STIM2: variants seen among roughly 807,000 people sequenced by gnomAD.
STIM2 encodes stromal interaction molecule 2.
In STIM2, 31 loss-of-function variants were observed where a neutral mutation model predicts 85.8. That is an observed-to-expected ratio of 0.36 (90% CI 0.27 to 0.49). The LOEUF is 0.49. Ranked by LOEUF, STIM2 falls within the 20% of genes least tolerant of loss-of-function variation. The pLI is 0.98. For missense variants in STIM2, 841 were observed against 927.6 expected, an observed-to-expected ratio of 0.91 and a Z score of 1.21; for synonymous variants, 356 against 331.1, an observed-to-expected ratio of 1.08 and a Z score of -0.82.
At chr4:26,893,800 A>AT in intron 1 of STIM2, among the ~76,000 whole-genome samples, 1 of 152,052 alleles carries the variant, frequency 6.6e-6, no homozygotes. Flanking sequence ...GCATCATTTC[A>AT]TATTACTAGT....
intron 8 of STIM2, chr4:27,007,968 G>C (rs1728425518): frequency 1.4e-6 from 1 of 720,436 alleles, no homozygotes; most frequent in Non-Finnish European, 2.6e-6. Flanking sequence ...TTTATACAGA[G>C]CTTTTTTCCT....
At position 26,955,787 on chromosome 4, in the gene STIM2, T is replaced by A. The variant is rs1019987034; in HGVS notation, c.283-1825T>A. On this transcript the variant is annotated intron_variant, in intron 2 of 11. Coordinates refer to ENST00000467087, the MANE Select transcript of STIM2 (RefSeq NM_020860.4). Reference sequence around the variant, plus strand: ...GGACAAGGTGAGCATATTTATCATATGCTCGGCCCAGTTGCTGTGGAAGTG... The same window carrying A: ...GGACAAGGTGAGCATATTTATCATAAGCTCGGCCCAGTTGCTGTGGAAGTG... Among the ~76,000 whole-genome samples the A allele has an allele frequency of 6.3e-4, 95 of 151,780 alleles. 10 individuals carry two copies. The highest frequency in any genetic ancestry group is 2.2e-3 in the African/African-American group (91 of 41,222).
chr4:26,966,641 C>T (rs1483006914), intron 3 of STIM2, among the ~76,000 whole-genome samples: 3 of 151,964 alleles, frequency 2.0e-5, no homozygotes, highest in Non-Finnish European at 4.4e-5. Flanking sequence ...ATTAGCCAGC[C>T]TTTTGAATTT....
intron 4 of STIM2, among the ~76,000 whole-genome samples, chr4:26,996,597 A>G (rs919845771): frequency 6.6e-6 from 1 of 152,114 alleles, no homozygotes; most frequent in Non-Finnish European, 1.5e-5. Flanking sequence ...ACACATGACT[A>G]GAATGATGAA....
chr4:26,907,401 AAC>A (rs1172171126), intron 1 of STIM2, among the ~76,000 whole-genome samples: 1 of 152,176 alleles, frequency 6.6e-6, no homozygotes, highest in Admixed American at 6.5e-5. Context: ...TAAACTATTA[AAC>A]AGATGCTTTG....
chr4:26,919,235 G>A (rs1443870427), intron 1 of STIM2, among the ~76,000 whole-genome samples: 1 of 151,958 alleles, frequency 6.6e-6, no homozygotes, highest in Non-Finnish European at 1.5e-5. Context: ...GGTTAAAGAT[G>A]TAGAGATTTT....
intron 2 of STIM2, among the ~76,000 whole-genome samples, chr4:26,939,129 A>T (rs957240676): frequency 1.3e-5 from 2 of 152,124 alleles, no homozygotes; most frequent in African/African-American, 4.8e-5. Context: ...CATACTGAGT[A>T]AATTAGCACT....
intron 4 of STIM2, among the ~76,000 whole-genome samples, chr4:26,998,585 A>G (rs1728040111): frequency 6.6e-6 from 1 of 152,158 alleles, no homozygotes; most frequent in Non-Finnish European, 1.5e-5. Flanking sequence ...TGAAAGGATA[A>G]TAAGTGACAG....
At chr4:26,973,378 T>G (rs1727047140) in intron 3 of STIM2, among the ~76,000 whole-genome samples, 2 of 152,224 alleles carry the variant, frequency 1.3e-5, no homozygotes, top group African/African-American at 4.8e-5. Flanking sequence ...GGGCATTTAG[T>G]GCTATAAATT....
chr4:26,979,341 T>G (rs191059350), intron 3 of STIM2, among the ~76,000 whole-genome samples: 2 of 152,324 alleles, frequency 1.3e-5, no homozygotes, highest in East Asian at 3.9e-4. Context: ...GAGAAAGAGA[T>G]GCTTTCTGAA....
intron 1 of STIM2, among the ~76,000 whole-genome samples, chr4:26,878,678 T>C (rs1179454650): frequency 2.6e-5 from 4 of 152,192 alleles, no homozygotes; most frequent in Middle Eastern, 3.2e-3. Flanking sequence ...TTCACACTGC[T>C]ATAAAGATAC....
chr4:26,904,493 A>C (rs1724048339), intron 1 of STIM2, among the ~76,000 whole-genome samples: 1 of 152,136 alleles, frequency 6.6e-6, no homozygotes, highest in South Asian at 2.1e-4. Context: ...GAGGAAGAAA[A>C]TGATCAGCTG....
intron 2 of STIM2, among the ~76,000 whole-genome samples, chr4:26,941,985 C>G (rs961120805): frequency 1.3e-5 from 2 of 152,044 alleles, no homozygotes; most frequent in African/African-American, 2.4e-5. Flanking sequence ...ACTGTAAAAC[C>G]TGTTGTGTAT....
chr4:26,861,360 C>T lies in STIM2; in HGVS notation c.142C>T (p.Leu48Phe), dbSNP rs775840841. The T allele has an allele frequency of 2.8e-5, 38 of 1,342,998 alleles. No homozygotes were observed. The highest frequency in any genetic ancestry group is 2.8e-4 in the Middle Eastern group (1 of 3,594). The allele number at this position is 1,342,998 out of a possible 1,614,324, so 83.2% of individuals were successfully genotyped here. A position where few individuals can be genotyped will look rare whatever the true frequency, so the allele number is the denominator to read the frequency against. ...CGCGGCGGCCGGCGATAGCCCGGCG[C>T]TCATGACAGGTGAGGGGCCGGGGGG... The change falls in exon 1 of 12, where the codon CTC becomes TTC. Residue 48 changes from leucine (L) to phenylalanine (F), a missense_variant. Transcript: ENST00000467087.
intron 1 of STIM2, among the ~76,000 whole-genome samples, chr4:26,889,422 T>C (rs867854104): frequency 4.6e-5 from 7 of 152,206 alleles, no homozygotes; most frequent in Non-Finnish European, 8.8e-5. Context: ...TCAGAAGCAA[T>C]GCTGTGTGAA....
intron 1 of STIM2, among the ~76,000 whole-genome samples, chr4:26,906,610 A>G (rs1724135473): frequency 6.6e-6 from 1 of 152,064 alleles, no homozygotes; most frequent in Non-Finnish European, 1.5e-5. Context: ...GGGCTAATGA[A>G]TTGGAATTTA....
Position 27,018,919 on chromosome 4 carries a change from C to T in STIM2, c.1763+935C>T, listed in dbSNP as rs537004840. Among the ~76,000 whole-genome samples, 5 of 152,282 alleles carry T rather than the reference C, an allele frequency of 3.3e-5. No homozygotes were observed. The East Asian group carries it at 9.6e-4, about 29-fold the overall frequency. On this transcript the variant is annotated intron_variant, in intron 11 of 11. Coordinates refer to ENST00000467087, the MANE Select transcript of STIM2 (RefSeq NM_020860.4). Reference sequence around the variant, plus strand: ...GCTAACACATAAGCAGTATCATATGCCAAAGGTTTAAGAAAATGTCAGGAA... The same window carrying T: ...GCTAACACATAAGCAGTATCATATGTCAAAGGTTTAAGAAAATGTCAGGAA...
Position 27,012,661 on chromosome 4 carries a change from T to TTA in STIM2, c.1489+3661_1489+3662dup, listed in dbSNP as rs1346153338. 2.0e-4 allele frequency among the ~76,000 whole-genome samples: 30 copies of TTA among 152,168 alleles called. No homozygotes were observed. In the East Asian group the frequency reaches 3.1e-3, roughly 16 times the overall value. Reference sequence around the variant, plus strand: ...TTAATACTAGTAGATTTTTTCCTCTTTATTGCCCAAGCTAAGACCTCCAGT... The same window carrying TTA: ...TTAATACTAGTAGATTTTTTCCTCTTTATATTGCCCAAGCTAAGACCTCCAGT... On this transcript the variant is annotated intron_variant, in intron 10 of 11. Coordinates refer to ENST00000467087, the MANE Select transcript of STIM2 (RefSeq NM_020860.4).
chr4:26,889,969 C>G (rs1723404357), intron 1 of STIM2, among the ~76,000 whole-genome samples: 1 of 152,186 alleles, frequency 6.6e-6, no homozygotes, highest in African/African-American at 2.4e-5. Context: ...AATTCTGTGA[C>G]CATCTAGCTA....
Sources: gnomAD v4.1 joint callset for allele counts (sites outside exome capture counted in the v4.1 genomes callset) on GRCh38, gnomAD v4.1.1 for gene constraint, MANE v1.5 for transcripts, NCBI Gene and HGNC (gene_info 2026-07-23, HGNC 2026-07-21) for gene names.